The following SSBP2 variants were observed in gnomAD, a reference collection of about 807,000 sequenced individuals.
SSBP2 encodes single stranded DNA binding protein 2.
SSBP2 carries 17 observed loss-of-function variants against 61.8 expected under a neutral mutation model. The observed-to-expected ratio is 0.28, with a 90% CI of 0.19 to 0.41. The LOEUF (loss-of-function observed/expected upper bound fraction) is 0.41. SSBP2 is among the 10% of genes least tolerant of loss of function. SSBP2 has a pLI of 1.00. For synonymous variants in SSBP2, 139 were observed against 141.3 expected (o/e 0.98, Z 0.12); for missense variants, 310 against 458.7 (o/e 0.68, Z 2.96).
intron 4 of SSBP2, among the ~76,000 whole-genome samples, chr5:81,588,919 C>T (rs1775281300): frequency 6.6e-6 from 1 of 152,094 alleles, no homozygotes; most frequent in Non-Finnish European, 1.5e-5. Flanking sequence ...CAAAAATTAG[C>T]TGAGCATGTT....
intron 4 of SSBP2, among the ~76,000 whole-genome samples, chr5:81,588,628 T>C (rs774301738): frequency 2.0e-5 from 3 of 152,134 alleles, no homozygotes; most frequent in African/African-American, 4.8e-5. Context: ...AAGAGCTAGA[T>C]GAATGTTAAG....
chr5:81,659,437 T>C (rs553807073), intron 1 of SSBP2, among the ~76,000 whole-genome samples: 1 of 151,968 alleles, frequency 6.6e-6, no homozygotes, highest in African/African-American at 2.4e-5. Context: ...CAGAATAAAA[T>C]ACCTAGGAAT....
At chr5:81,662,862 T>C (rs1367944001) in intron 1 of SSBP2, among the ~76,000 whole-genome samples, 1 of 152,116 alleles carries the variant, frequency 6.6e-6, no homozygotes, top group African/African-American at 2.4e-5. Context: ...ACCTGAATTC[T>C]TTCCATTCAT....
At chr5:81,552,083 C>T (rs1277626086) in intron 4 of SSBP2, among the ~76,000 whole-genome samples, 6 of 152,042 alleles carry the variant, frequency 3.9e-5, no homozygotes, top group Non-Finnish European at 8.8e-5. Flanking sequence ...TTGGATATGG[C>T]TTATTTTGTT....
At chr5:81,484,003 A>G (rs929798954) in intron 6 of SSBP2, among the ~76,000 whole-genome samples, 1 of 152,168 alleles carries the variant, frequency 6.6e-6, no homozygotes, top group Admixed American at 6.5e-5. Context: ...AGAAAGTTCT[A>G]TTGGGCAGTG....
intron 3 of SSBP2, among the ~76,000 whole-genome samples, chr5:81,619,504 C>T (rs1746346983): frequency 7.0e-6 from 1 of 142,786 alleles, no homozygotes; most frequent in Non-Finnish European, 1.5e-5. Flanking sequence ...GATGGATTCA[C>T]AGCCGAATTC....
chr5:81,660,502 A>G (rs1479504694), intron 1 of SSBP2, among the ~76,000 whole-genome samples: 2 of 152,242 alleles, frequency 1.3e-5, no homozygotes, highest in African/African-American at 4.8e-5. Flanking sequence ...AAACATCAGG[A>G]AACAACAGAT....
Position 81,418,659 on chromosome 5 carries a change from T to C in SSBP2, c.*1845A>G, listed in dbSNP as rs1035826159. The C allele has an allele frequency of 6.6e-6, 1 of 152,222 alleles. No homozygotes were observed. Among genetic ancestry groups the C allele is most frequent in the African/African-American group, 2.4e-5 (1 of 41,456 alleles). The allele number at this position is 152,222 out of a possible 1,614,324, so 9.4% of individuals were successfully genotyped here. ...CACACCTAGGCTATATAATATAAAC[T>C]ATTGCTCCTAGGCTACAAACCTGTA... On this transcript the variant is annotated 3_prime_UTR_variant, in exon 17 of 17. Transcript: ENST00000320672.
intron 3 of SSBP2, among the ~76,000 whole-genome samples, chr5:81,628,011 G>T (rs995008579): frequency 6.6e-6 from 1 of 151,816 alleles, no homozygotes; most frequent in Non-Finnish European, 1.5e-5. Flanking sequence ...GCTGCAGCGA[G>T]CTATGATTGT....
intron 1 of SSBP2, among the ~76,000 whole-genome samples, chr5:81,706,409 C>G (rs1375940247): frequency 6.6e-6 from 1 of 152,156 alleles, no homozygotes; most frequent in Non-Finnish European, 1.5e-5. Flanking sequence ...CAGGTTCAGT[C>G]ATTGCCCAAA....
chr5:81,620,638 C>G (rs1206188283), intron 3 of SSBP2, among the ~76,000 whole-genome samples: 1 of 45,954 alleles, frequency 2.2e-5, no homozygotes, highest in Non-Finnish European at 4.0e-5. Flanking sequence ...AAAGAGCCCG[C>G]ATCGCCAAGT....
chr5:81,464,722 T>G (rs1325868181), intron 9 of SSBP2, among the ~76,000 whole-genome samples: 1 of 152,140 alleles, frequency 6.6e-6, no homozygotes. Context: ...TAAATATTTT[T>G]GTTACTTAAA....
chr5:81,549,277 T>TG (rs1771992635), intron 4 of SSBP2, among the ~76,000 whole-genome samples: 1 of 152,194 alleles, frequency 6.6e-6, no homozygotes, highest in Non-Finnish European at 1.5e-5. Context: ...TTTCTCTTCA[T>TG]CAATCAATCT....
Position 81,587,763 on chromosome 5 carries a change from G to GCACACACACA in SSBP2, c.282+27700_282+27709dup, listed in dbSNP as rs60642395. The stretch of plus-strand genomic sequence containing the variant: ...CACACACACGCACACACACGCGCGC[G>GCACACACACA]CACACACACACACACACACACTAAT... On this transcript the variant is annotated intron_variant, in intron 4 of 16. Coordinates refer to ENST00000320672, the MANE Select transcript of SSBP2 (RefSeq NM_012446.5). 5.4e-5 allele frequency among the ~76,000 whole-genome samples: 8 copies of GCACACACACA among 149,034 alleles called. No homozygotes were observed. In the South Asian group the frequency reaches 1.5e-3, roughly 28 times the overall value.
intron 4 of SSBP2, among the ~76,000 whole-genome samples, chr5:81,542,829 C>T (rs994566137): frequency 4.1e-5 from 6 of 146,902 alleles, no homozygotes; most frequent in Admixed American, 2.7e-4. Context: ...CTCTCTCTCT[C>T]TCTCTCTCTC....
At chr5:81,635,157 T>C (rs1038699816) in intron 3 of SSBP2, among the ~76,000 whole-genome samples, 6 of 151,574 alleles carry the variant, frequency 4.0e-5, no homozygotes, top group African/African-American at 1.5e-4. Flanking sequence ...CTTTAAAAGA[T>C]ACCACTACCA....
intron 5 of SSBP2, among the ~76,000 whole-genome samples, chr5:81,491,333 T>C (rs1346200496): frequency 3.9e-5 from 6 of 152,172 alleles, no homozygotes; most frequent in East Asian, 3.8e-4. Context: ...ATGTGAAAAA[T>C]ATTACTAAAT....
chr5:81,734,933 T>C (rs1365235382), intron 1 of SSBP2, among the ~76,000 whole-genome samples: 2 of 128,832 alleles, frequency 1.6e-5, no homozygotes, highest in Non-Finnish European at 3.1e-5. Flanking sequence ...ATCGTGCCAC[T>C]GCACTCCAGC....
chr5:81,496,482 A>G (rs1767289753), intron 5 of SSBP2, among the ~76,000 whole-genome samples: 1 of 152,140 alleles, frequency 6.6e-6, no homozygotes, highest in Non-Finnish European at 1.5e-5. Context: ...ACCCGGCCAG[A>G]ACTTTTTAAA....
Sources: gnomAD v4.1 joint callset for allele counts (sites outside exome capture counted in the v4.1 genomes callset) on GRCh38, gnomAD v4.1.1 for gene constraint, MANE v1.5 for transcripts, NCBI Gene and HGNC (gene_info 2026-07-23, HGNC 2026-07-21) for gene names.